The following PTPRD variants were observed in gnomAD, a reference collection of about 807,000 sequenced individuals.
The protein encoded by PTPRD is receptor-type tyrosine-protein phosphatase delta.
In PTPRD, 34 loss-of-function variants were observed where a neutral mutation model predicts 214.5. That is an observed-to-expected ratio of 0.16 (90% CI 0.12 to 0.21). The LOEUF (loss-of-function observed/expected upper bound fraction) is 0.21. Ranked by LOEUF, PTPRD falls within the 10% of genes least tolerant of loss-of-function variation. PTPRD has a pLI of 1.00. For synonymous variants in PTPRD, 1,128 were observed against 845.7 expected (o/e 1.33, Z -5.79); for missense variants, 2,545 against 2,398.7 (o/e 1.06, Z -1.27).
chr9:9,980,738 G>A (rs577763281), intron 4 of PTPRD, among the ~76,000 whole-genome samples: 69 of 132,028 alleles, frequency 5.2e-4, no homozygotes, highest in Non-Finnish European at 9.1e-4. Flanking sequence ...CTGGATTACA[G>A]AACATACAAA....
At chr9:9,328,529 A>T (rs1469008510) in intron 9 of PTPRD, among the ~76,000 whole-genome samples, 1 of 148,400 alleles carries the variant, frequency 6.7e-6, no homozygotes, top group Non-Finnish European at 1.5e-5. Context: ...AATTTAGCAT[A>T]TGTGTTTATA....
At chr9:10,175,455 T>C (rs73641865) in intron 3 of PTPRD, among the ~76,000 whole-genome samples, 8,833 of 152,036 alleles carry the variant, frequency 0.058, 715 homozygotes, top group African/African-American at 0.18. Flanking sequence ...TAATATAACA[T>C]TAAATATGGT....
intron 4 of PTPRD, among the ~76,000 whole-genome samples, chr9:10,012,448 T>G (rs2096621380): frequency 6.6e-6 from 1 of 151,954 alleles, no homozygotes; most frequent in Admixed American, 6.6e-5. Context: ...TTTTTAAAGT[T>G]TAAGCAATTC....
intron 3 of PTPRD, among the ~76,000 whole-genome samples, chr9:10,328,692 G>A (rs928942287): frequency 6.6e-6 from 1 of 151,676 alleles, no homozygotes; most frequent in African/African-American, 2.4e-5. Flanking sequence ...GCCTTCAGAT[G>A]GGAATGAATT....
intron 11 of PTPRD, among the ~76,000 whole-genome samples, chr9:8,747,579 G>A (rs752356812): frequency 6.6e-6 from 1 of 152,064 alleles, no homozygotes; most frequent in Non-Finnish European, 1.5e-5. Context: ...GCTTACAGAA[G>A]GACACTTAGT....
At chr9:9,211,553 ACACAC>A (rs1445332881) in intron 9 of PTPRD, among the ~76,000 whole-genome samples, 1 of 140,536 alleles carries the variant, frequency 7.1e-6, no homozygotes, top group Non-Finnish European at 1.6e-5. Context: ...ACACACACAC[ACACAC>A]AAGAGCTAAG....
intron 11 of PTPRD, among the ~76,000 whole-genome samples, chr9:8,811,180 C>A (rs1177878637): frequency 3.3e-5 from 5 of 152,084 alleles, no homozygotes; most frequent in Non-Finnish European, 4.4e-5. Flanking sequence ...AATTAATGGG[C>A]GCAGTCTTGA....
chr9:10,109,450 A>T (rs961927537), intron 3 of PTPRD, among the ~76,000 whole-genome samples: 1 of 152,196 alleles, frequency 6.6e-6, no homozygotes, highest in South Asian at 2.1e-4. Context: ...GCCAAATCCT[A>T]TTGTACTCAA....
intron 3 of PTPRD, among the ~76,000 whole-genome samples, chr9:10,269,272 C>T (rs942558243): frequency 1.2e-4 from 18 of 152,120 alleles, no homozygotes; most frequent in Admixed American, 3.9e-4. Flanking sequence ...ATTTGATCCA[C>T]GTAAGAGGAC....
At chr9:9,420,713 TAC>T (rs1163859596) in intron 8 of PTPRD, among the ~76,000 whole-genome samples, 1 of 151,822 alleles carries the variant, frequency 6.6e-6, no homozygotes, top group Non-Finnish European at 1.5e-5. Flanking sequence ...TATGACGACG[TAC>T]AACATAACCA....
chr9:9,938,081 C>G (rs1429674650), intron 5 of PTPRD, among the ~76,000 whole-genome samples: 1 of 152,034 alleles, frequency 6.6e-6, no homozygotes, highest in Non-Finnish European at 1.5e-5. Context: ...ACCTGAGGTC[C>G]TGAAGGGTTA....
intron 39 of PTPRD, among the ~76,000 whole-genome samples, chr9:8,347,962 C>T (rs550762460): frequency 6.6e-6 from 1 of 152,168 alleles, no homozygotes; most frequent in South Asian, 2.1e-4. Context: ...GTTATGGAAG[C>T]CCCAGCAGAC....
At chr9:9,083,078 G>A (rs1000380175) in intron 10 of PTPRD, among the ~76,000 whole-genome samples, 12 of 152,094 alleles carry the variant, frequency 7.9e-5, no homozygotes, top group Admixed American at 6.6e-4. Context: ...AACCAGAAAA[G>A]AACCTGTATA....
chr9:8,787,771 C>G (rs1361673433), intron 11 of PTPRD, among the ~76,000 whole-genome samples: 1 of 152,100 alleles, frequency 6.6e-6, no homozygotes, highest in East Asian at 1.9e-4. Context: ...AGTATGTGTA[C>G]TGACTCTACC....
At chr9:9,157,803 C>A (rs1227736931) in intron 10 of PTPRD, among the ~76,000 whole-genome samples, 3 of 152,118 alleles carry the variant, frequency 2.0e-5, no homozygotes, top group African/African-American at 7.2e-5. Context: ...TGGTTTACTA[C>A]ACAGATCATC....
intron 10 of PTPRD, among the ~76,000 whole-genome samples, chr9:9,034,582 G>A (rs565884992): frequency 6.2e-4 from 94 of 152,224 alleles, no homozygotes; most frequent in Non-Finnish European, 1.1e-3. Flanking sequence ...AATTCTATAA[G>A]ATAAAGAGCT....
intron 9 of PTPRD, among the ~76,000 whole-genome samples, chr9:9,272,782 G>T (rs980602895): frequency 1.3e-5 from 2 of 151,112 alleles, no homozygotes; most frequent in Non-Finnish European, 3.0e-5. Context: ...CTAAAACCAG[G>T]TGTTCAAAAG....
chr9:9,703,779 A>G (rs543505794), intron 7 of PTPRD, among the ~76,000 whole-genome samples: 1 of 152,308 alleles, frequency 6.6e-6, no homozygotes, highest in African/African-American at 2.4e-5. Context: ...AAATAACCCT[A>G]AAGAGTTGAA....
intron 2 of PTPRD, among the ~76,000 whole-genome samples, chr9:10,562,878 T>C (rs960803171): frequency 6.6e-6 from 1 of 152,076 alleles, no homozygotes; most frequent in Non-Finnish European, 1.5e-5. Flanking sequence ...CTTTGTAAAA[T>C]GATTTGTAGA....
Sources: allele counts gnomAD v4.1 joint callset (sites outside exome capture counted in the v4.1 genomes callset), GRCh38; gene constraint gnomAD v4.1.1; transcripts MANE v1.5; gene names NCBI Gene and HGNC (gene_info 2026-07-23, HGNC 2026-07-21).